TMEM170B: variants seen among roughly 807,000 people sequenced by gnomAD.
The protein encoded by TMEM170B is transmembrane protein 170B.
A neutral mutation model predicts 13.0 loss-of-function variants in TMEM170B; 6 were observed. The ratio of observed to expected loss-of-function variants is 0.46; its 90% CI spans 0.25 to 0.91. The LOEUF is 0.91. TMEM170B is among the 40% of genes least tolerant of loss of function. The pLI, the probability that TMEM170B is intolerant of heterozygous loss-of-function variation, is 0.17. For missense variants in TMEM170B, 138 were observed against 165.2 expected (o/e 0.84, Z 0.90); for synonymous variants, 61 against 64.9 (o/e 0.94, Z 0.29).
At chr6:11,564,196 G>A (rs1759706748) in intron 1 of TMEM170B, among the ~76,000 whole-genome samples, 2 of 152,154 alleles carry the variant, frequency 1.3e-5, no homozygotes, top group Admixed American at 1.3e-4. Context: ...GATAAACATG[G>A]GTGTGCCAAT....
At chr6:11,545,170 T>TCAG (rs374306283) in intron 1 of TMEM170B, among the ~76,000 whole-genome samples, 1,618 of 152,188 alleles carry the variant, frequency 0.011, 11 homozygotes, top group Middle Eastern at 0.02. Flanking sequence ...TCTCTCTGTG[T>TCAG]CAGCAGCAAA....
At chr6:11,571,614 A>G (rs1249985913) in intron 2 of TMEM170B, among the ~76,000 whole-genome samples, 1 of 152,160 alleles carries the variant, frequency 6.6e-6, no homozygotes. Context: ...CAAGAACCCT[A>G]TCCCACTTCT....
chr6:11,538,910 A>T (rs1303377920), intron 1 of TMEM170B, among the ~76,000 whole-genome samples: 1 of 152,138 alleles, frequency 6.6e-6, no homozygotes, highest in Non-Finnish European at 1.5e-5. Flanking sequence ...TCAGGGGCTG[A>T]GCTAAGGTCT....
rs1454132815 is a variant in TMEM170B, at chr6:11,575,567, C to T, written c.*6C>T. The T allele has an allele frequency of 6.2e-7, 1 of 1,612,598 alleles. No homozygotes were observed. The highest frequency in any genetic ancestry group is 1.7e-5 in the Admixed American group (1 of 59,954). On this transcript the variant is annotated 3_prime_UTR_variant, in exon 3 of 3. Coordinates refer to ENST00000379426, the MANE Select transcript of TMEM170B (RefSeq NM_001100829.3). This position sits in a 1 kb window ranked among gnomAD's most constrained non-coding sequence, Gnocchi z 4.1. The stretch of plus-strand genomic sequence containing the variant: ...GGATCCTCGCTACACTTTGAGGTTT[C>T]TGTGGGAATGTCTTACTTCACATAA...
chr6:11,554,699 T>C (rs1459131092), intron 1 of TMEM170B, among the ~76,000 whole-genome samples: 3 of 152,084 alleles, frequency 2.0e-5, no homozygotes, highest in Non-Finnish European at 4.4e-5. Flanking sequence ...GGTAATTTGG[T>C]TTAAGTGGCT....
intron 1 of TMEM170B, among the ~76,000 whole-genome samples, chr6:11,556,727 T>A (rs1582141910): frequency 6.6e-6 from 1 of 152,046 alleles, no homozygotes; most frequent in Admixed American, 6.6e-5. Flanking sequence ...GTTTTCTGCT[T>A]CTCTCCCAGG....
In TMEM170B at chr6:11,582,107, T is replaced by G. The variant is rs539225146; in HGVS notation, c.*6546T>G. 8 of 152,310 alleles carry G rather than the reference T, an allele frequency of 5.3e-5. No homozygotes were observed. The South Asian group carries it at 1.7e-3, about 32-fold the overall frequency. 9.4% of individuals were successfully genotyped at this position (152,310 alleles called of 1,614,324 possible). A position where few individuals can be genotyped will look rare whatever the true frequency, so the allele number is the denominator to read the frequency against. The stretch of plus-strand genomic sequence containing the variant: ...AATTCATAGGATTCTACCAAAAATA[T>G]TAGCCCCTGACTCTAGTTATTCTGA... On this transcript the variant is annotated 3_prime_UTR_variant, in exon 3 of 3. Coordinates refer to ENST00000379426, the MANE Select transcript of TMEM170B (RefSeq NM_001100829.3).
intron 1 of TMEM170B, among the ~76,000 whole-genome samples, chr6:11,539,207 C>G (rs1264004338): frequency 2.0e-5 from 3 of 152,070 alleles, no homozygotes; most frequent in Admixed American, 2.0e-4. Context: ...ACTTTGAGTT[C>G]CGAATTTAAA....
At chr6:11,562,264 T>G (rs1034096635) in intron 1 of TMEM170B, among the ~76,000 whole-genome samples, 4 of 151,994 alleles carry the variant, frequency 2.6e-5, no homozygotes, top group African/African-American at 9.7e-5. Context: ...AAGTTGGGGT[T>G]TTTAAATTTT....
chr6:11,577,290 A>G lies in TMEM170B; in HGVS notation c.*1729A>G, dbSNP rs1759892836. The G allele has an allele frequency of 1.3e-5, 2 of 152,116 alleles. No homozygotes were observed. Among genetic ancestry groups the G allele is most frequent in the African/African-American group, 4.8e-5 (2 of 41,450 alleles). 9.4% of individuals were successfully genotyped at this position (152,116 alleles called of 1,614,324 possible). A position where few individuals can be genotyped will look rare whatever the true frequency, so the allele number is the denominator to read the frequency against. ...TGTTTTAAAAAAATAATAAGCAACT[A>G]TGCATGGATCTTTGAAGTAAATCTT... On this transcript the variant is annotated 3_prime_UTR_variant, in exon 3 of 3. Transcript: ENST00000379426.
chr6:11,553,303 C>G (rs1759548630), intron 1 of TMEM170B, among the ~76,000 whole-genome samples: 1 of 152,128 alleles, frequency 6.6e-6, no homozygotes, highest in African/African-American at 2.4e-5. Context: ...GTTCAAGGGT[C>G]TACTGTATCT....
intron 1 of TMEM170B, among the ~76,000 whole-genome samples, chr6:11,560,582 T>TAA (rs11404962): frequency 0.21 from 28,723 of 135,440 alleles, 3,706 homozygotes; most frequent in South Asian, 0.45. Flanking sequence ...TGCTATCTCT[T>TAA]AAAAAAAAAA....
chr6:11,546,380 T>A (rs963082133), intron 1 of TMEM170B, among the ~76,000 whole-genome samples: 2 of 152,054 alleles, frequency 1.3e-5, no homozygotes, highest in African/African-American at 4.8e-5. Flanking sequence ...AACTTAAAAG[T>A]TTATAAAGTA....
chr6:11,567,341 CAG>C (rs904474647), intron 2 of TMEM170B, among the ~76,000 whole-genome samples: 3 of 152,224 alleles, frequency 2.0e-5, no homozygotes, highest in Non-Finnish European at 2.9e-5. Flanking sequence ...TCCCATATGT[CAG>C]GGGCAGCTCA....
At position 11,565,717 on chromosome 6, in the gene TMEM170B, A is replaced by G. The variant is rs748887674; in HGVS notation, c.149A>G (p.His50Arg). 2.5e-6 allele frequency: 4 copies of G among 1,614,120 alleles called. No individual in the cohort carries two copies. The highest frequency in any genetic ancestry group is 3.4e-6 in the Non-Finnish European group (4 of 1,180,004). Residue 50 changes from histidine (H) to arginine (R), a missense_variant, in exon 2 of 3, where the codon CAT (histidine) becomes CGT (arginine). Coordinates refer to ENST00000379426, the MANE Select transcript of TMEM170B (RefSeq NM_001100829.3). ...GCTCTCTTCTCTTCTCTGTTTGTCCATGGTGCTGCAGGAGTGTTGATGTTT... is the reference window on the plus strand; with the variant it reads ...GCTCTCTTCTCTTCTCTGTTTGTCCGTGGTGCTGCAGGAGTGTTGATGTTT... ...LWALFSSLFV[H>R]GAAGVLMFVM...
In TMEM170B at chr6:11,575,438, A is replaced by G. The variant is rs775507205; in HGVS notation, c.276A>G (p.Ala92=). 5 of 1,613,414 alleles carry G rather than the reference A, an allele frequency of 3.1e-6. No individual in the cohort carries two copies. The highest frequency in any genetic ancestry group is 4.2e-6 in the Non-Finnish European group (5 of 1,179,498). The change falls in exon 3 of 3, where the codon GCA becomes GCG. Residue 92 remains alanine (A), a synonymous_variant. Coordinates refer to ENST00000379426, the MANE Select transcript of TMEM170B (RefSeq NM_001100829.3). The surrounding 1 kb of genome is among the most constrained non-coding windows in gnomAD (Gnocchi z 4.1). ...TCTCCCGTTTCTCCTTAGGTGCAGC[A>G]GTAGCGGGCATTTACAGAGTAGCTG... ...SVTGAMITSA[A]VAGIYRVAGK...
At chr6:11,566,015 CGTT>C (rs1759729076) in intron 2 of TMEM170B, among the ~76,000 whole-genome samples, 179 bp downstream of exon 2, 3 of 152,206 alleles carry the variant, frequency 2.0e-5, no homozygotes, top group South Asian at 2.1e-4. Context: ...ACAGACAAGT[CGTT>C]GTAATTCTGC....
intron 1 of TMEM170B, among the ~76,000 whole-genome samples, chr6:11,546,710 G>T (rs933779634): frequency 1.3e-5 from 2 of 152,176 alleles, no homozygotes; most frequent in Non-Finnish European, 2.9e-5. Flanking sequence ...TGCTATACAG[G>T]TTTGTTGCCT....
At position 11,578,376 on chromosome 6, in the gene TMEM170B, A is replaced by G. The variant is rs919219232; in HGVS notation, c.*2815A>G. The G allele has an allele frequency of 2.6e-5, 4 of 152,174 alleles. No homozygotes were observed. Among genetic ancestry groups the G allele is most frequent in the Admixed American group, 6.5e-5 (1 of 15,284 alleles). 9.4% of individuals were successfully genotyped at this position (152,174 alleles called of 1,614,324 possible). A position where few individuals can be genotyped will look rare whatever the true frequency, so the allele number is the denominator to read the frequency against. On this transcript the variant is annotated 3_prime_UTR_variant, in exon 3 of 3. Transcript: ENST00000379426. The stretch of plus-strand genomic sequence containing the variant: ...TAGTGGACACTCCTTTATTTAAAAA[A>G]TGTTTAATAAAATATTGTTTATAGT...
Sources: gnomAD v4.1 joint callset for allele counts (sites outside exome capture counted in the v4.1 genomes callset) on GRCh38, gnomAD v4.1.1 for gene constraint, Gnocchi (gnomAD v3.1) non-coding constraint, MANE v1.5 for transcripts, NCBI Gene and HGNC (gene_info 2026-07-23, HGNC 2026-07-21) for gene names.